The following THRB variants were observed in gnomAD, a reference collection of about 807,000 sequenced individuals.
THRB encodes the protein nuclear receptor subfamily 1 group A member 2.
Under a neutral mutation model 47.8 loss-of-function variants are expected in THRB, and 12 were observed. The ratio of observed to expected loss-of-function variants is 0.25; its 90% CI spans 0.16 to 0.41. THRB has a LOEUF of 0.41. THRB is among the 10% of genes least tolerant of loss of function. The pLI is 1.00. For synonymous variants in THRB, 218 were observed against 212.2 expected (o/e 1.03, Z -0.24); for missense variants, 348 against 589.2 (o/e 0.59, Z 4.24).
chr3:24,414,584 C>A (rs964426931), intron 1 of THRB, among the ~76,000 whole-genome samples: 1 of 151,752 alleles, frequency 6.6e-6, no homozygotes, highest in African/African-American at 2.4e-5. Flanking sequence ...AAAATATTGC[C>A]GCTTCAGGAT....
intron 3 of THRB, among the ~76,000 whole-genome samples, chr3:24,251,296 A>C (rs2050642833): frequency 6.6e-6 from 1 of 152,118 alleles, no homozygotes; most frequent in Non-Finnish European, 1.5e-5. Context: ...AAAAAGAACC[A>C]CAGATAAAAG....
At chr3:24,274,048 AT>A (rs905125798) in intron 3 of THRB, among the ~76,000 whole-genome samples, 17 of 151,824 alleles carry the variant, frequency 1.1e-4, no homozygotes, top group African/African-American at 3.9e-4. Flanking sequence ...TCAATCCTCT[AT>A]TTTTTTTCTT....
intron 1 of THRB, among the ~76,000 whole-genome samples, chr3:24,349,059 A>G (rs998664163): frequency 1.3e-5 from 2 of 152,184 alleles, no homozygotes; most frequent in African/African-American, 4.8e-5. Flanking sequence ...TTGGAATTCT[A>G]TATACCAACG....
chr3:24,259,620 CT>C lies in THRB; in HGVS notation c.-42-30620del, dbSNP rs10671187. On this transcript the variant is annotated intron_variant, in intron 3 of 10. Transcript: ENST00000646209. ...CAAAGTGGGAATTAGCTCTGCTTACCTTTTTTTTTTTTTTTTTTTTTTTAAG... is the reference window on the plus strand; with the variant it reads ...CAAAGTGGGAATTAGCTCTGCTTACCTTTTTTTTTTTTTTTTTTTTTTAAG... Among the ~76,000 whole-genome samples, 285 of 98,246 alleles carry C rather than the reference CT, an allele frequency of 2.9e-3. 3 individuals are homozygous for C. The highest frequency in any genetic ancestry group is 8.6e-3 in the South Asian group (20 of 2,316). The allele number at this position is 98,246 out of a possible 152,430, so 64.5% of individuals were successfully genotyped here. A position where few individuals can be genotyped will look rare whatever the true frequency, so the allele number is the denominator to read the frequency against.
chr3:24,309,972 AG>A (rs2057636083), intron 2 of THRB, among the ~76,000 whole-genome samples: 4 of 152,214 alleles, frequency 2.6e-5, no homozygotes, highest in Admixed American at 2.6e-4. Context: ...CATAGAGAAA[AG>A]GATTGTTTTG....
chr3:24,336,555 T>C (rs1047532578), intron 2 of THRB, among the ~76,000 whole-genome samples: 1 of 152,192 alleles, frequency 6.6e-6, no homozygotes, highest in Non-Finnish European at 1.5e-5. Flanking sequence ...GAAAACAAAC[T>C]GGATCCTAAA....
In THRB at chr3:24,417,135, C is replaced by CGT. The variant is rs1560136899; in HGVS notation, c.-261+77516_-261+77517insAC. Among the ~76,000 whole-genome samples, 139 of 48,832 alleles carry CGT rather than the reference C, an allele frequency of 2.8e-3. 1 individual carries two copies. Among genetic ancestry groups the CGT allele is most frequent in the South Asian group, 7.8e-3 (11 of 1,416 alleles). The allele number at this position is 48,832 out of a possible 152,430, so 32.0% of individuals were successfully genotyped here. On this transcript the variant is annotated intron_variant, in intron 1 of 10. Transcript: ENST00000646209. The stretch of plus-strand genomic sequence containing the variant: ...ACACACACACACACACACACACACA[C>CGT]ACACGCGCAACGCGTTATGACTGCT...
At chr3:24,336,530 T>G (rs1343359899) in intron 2 of THRB, among the ~76,000 whole-genome samples, 1 of 152,228 alleles carries the variant, frequency 6.6e-6, no homozygotes, top group Non-Finnish European at 1.5e-5. Context: ...ACTGAAACTG[T>G]GTTGTTATAA....
intron 1 of THRB, among the ~76,000 whole-genome samples, chr3:24,354,050 G>A (rs2063519371): frequency 6.6e-6 from 1 of 152,148 alleles, no homozygotes; most frequent in South Asian, 2.1e-4. Flanking sequence ...TATCACTGAT[G>A]GACATTTAGG....
chr3:24,430,191 A>C (rs1011561756), intron 1 of THRB: 1 of 152,138 alleles, frequency 6.6e-6, no homozygotes. Flanking sequence ...TAAGCAAAGT[A>C]TGAAATGAAA....
intron 5 of THRB, among the ~76,000 whole-genome samples, chr3:24,183,943 G>A (rs77817315): frequency 0.022 from 3,281 of 152,186 alleles, 52 homozygotes; most frequent in South Asian, 0.069. Context: ...ATACGTTCTT[G>A]TAAAGATTTT....
At chr3:24,229,107 T>C (rs1325289329) in intron 3 of THRB, 106 bp from the exon 4 acceptor site, 5 of 740,740 alleles carry the variant, frequency 6.8e-6, no homozygotes, top group Admixed American at 6.5e-5. Flanking sequence ...AAGCAATATT[T>C]GTTACTCTCA....
intron 1 of THRB, among the ~76,000 whole-genome samples, chr3:24,485,480 T>C (rs1348826317): frequency 1.3e-5 from 2 of 152,210 alleles, no homozygotes; most frequent in Non-Finnish European, 2.9e-5. Context: ...TAAGAGTCTC[T>C]AACTGGGCTC....
At chr3:24,135,731 C>G (rs974237939) in intron 8 of THRB, among the ~76,000 whole-genome samples, 1 of 151,086 alleles carries the variant, frequency 6.6e-6, no homozygotes, top group Non-Finnish European at 1.5e-5. Context: ...AACTGAGGCT[C>G]ATCTCACTGA....
chr3:24,197,081 A>G (rs1044169399), intron 4 of THRB, among the ~76,000 whole-genome samples: 1 of 152,232 alleles, frequency 6.6e-6, no homozygotes, highest in Non-Finnish European at 1.5e-5. Flanking sequence ...ATCTGAAGTA[A>G]TATTTATTGT....
intron 1 of THRB, among the ~76,000 whole-genome samples, chr3:24,340,089 C>T (rs2062527435): frequency 6.6e-6 from 1 of 152,186 alleles, no homozygotes; most frequent in Non-Finnish European, 1.5e-5. Flanking sequence ...CCAATTAATG[C>T]AAATTGAAGG....
At chr3:24,401,790 T>G (rs1032243191) in intron 1 of THRB, among the ~76,000 whole-genome samples, 1 of 151,990 alleles carries the variant, frequency 6.6e-6, no homozygotes, top group Non-Finnish European at 1.5e-5. Flanking sequence ...GATGCAGATT[T>G]CTGGCTCCTT....
At chr3:24,455,546 A>C (rs1226564120) in intron 1 of THRB, 2 of 152,208 alleles carry the variant, frequency 1.3e-5, no homozygotes, top group African/African-American at 4.8e-5. Flanking sequence ...GATTCAAATT[A>C]AAACACTGGT....
intron 1 of THRB, among the ~76,000 whole-genome samples, chr3:24,396,417 G>A (rs1295203824): frequency 6.6e-6 from 1 of 152,030 alleles, no homozygotes; most frequent in African/African-American, 2.4e-5. Context: ...AAATGCCACA[G>A]TATTCACTTC....
Sources: gnomAD v4.1 joint callset for allele counts (sites outside exome capture counted in the v4.1 genomes callset) on GRCh38, gnomAD v4.1.1 for gene constraint, MANE v1.5 for transcripts, NCBI Gene and HGNC (gene_info 2026-07-23, HGNC 2026-07-21) for gene names.